The following DNM3 variants were observed in gnomAD, a reference collection of about 807,000 sequenced individuals.
DNM3 encodes dynamin 3, also known as dynamin-3.
In DNM3, 47 loss-of-function variants were observed where a neutral mutation model predicts 101.6. The ratio of observed to expected loss-of-function variants is 0.46; its 90% confidence interval spans 0.37 to 0.59. DNM3 has a LOEUF of 0.59. Among genes scored for constraint, DNM3 ranks in the 20% least tolerant of loss-of-function variants. The probability of loss-of-function intolerance (pLI) is 0.00; values close to 1 mark genes in which losing one functional copy is unlikely to be tolerated. For synonymous variants in DNM3, 385 were observed against 387.9 expected (o/e 0.99, Z 0.09); for missense variants, 849 against 1,085.7 (o/e 0.78, Z 3.06).
intron 14 of DNM3, chr1:172,144,818 AT>A: frequency 3.0e-6 from 1 of 329,340 alleles, no homozygotes. Context: ...CTGGCAATGA[AT>A]TTAGGACCAG....
rs1308092330 is a variant in DNM3, at chr1:172,410,474, G to A, written c.*2633G>A. 12 of 982,016 alleles carry A rather than the reference G, an allele frequency of 1.2e-5. No individual in the cohort carries two copies. The highest frequency in any genetic ancestry group is 5.3e-5 in the African/African-American group (3 of 57,132). The allele number at this position is 982,016 out of a possible 1,614,324, so 60.8% of individuals were successfully genotyped here. A position where few individuals can be genotyped will look rare whatever the true frequency, so the allele number is the denominator to read the frequency against. The stretch of plus-strand genomic sequence containing the variant: ...TTTTTAGGATTTGGGAAAATAAACT[G>A]TAAATGTTTATTTGATAGGTAAATA... On this transcript the variant is annotated 3_prime_UTR_variant, in exon 21 of 21. Coordinates refer to ENST00000627582, the MANE Select transcript of DNM3 (RefSeq NM_015569.5).
intron 1 of DNM3, among the ~76,000 whole-genome samples, chr1:171,845,409 C>G (rs1287941535): frequency 6.6e-6 from 1 of 152,092 alleles, no homozygotes; most frequent in African/African-American, 2.4e-5. Flanking sequence ...AATAATTAGC[C>G]AGGTATGGTG....
At chr1:171,863,954 C>G (rs2421947) in intron 1 of DNM3, among the ~76,000 whole-genome samples, 88,807 of 152,076 alleles carry the variant, frequency 0.58, 26,155 homozygotes, top group East Asian at 0.8. Context: ...AAGAATTATC[C>G]AGAGTCTGGG....
At chr1:172,380,587 A>G (rs2149060469) in intron 18 of DNM3, among the ~76,000 whole-genome samples, 1 of 152,210 alleles carries the variant, frequency 6.6e-6, no homozygotes, top group Non-Finnish European at 1.5e-5. Flanking sequence ...TGTAACCTAA[A>G]GCAAATCATT....
In DNM3 at chr1:172,278,938, A is replaced by T. The variant is rs147662542; in HGVS notation, c.1769+25256A>T. Among the ~76,000 whole-genome samples the T allele has an allele frequency of 2.3e-3, 349 of 152,226 alleles. 1 individual carries two copies. The highest frequency in any genetic ancestry group is 8.0e-3 in the African/African-American group (331 of 41,534). On this transcript the variant is annotated intron_variant, in intron 15 of 20. Transcript: ENST00000627582. ...AGTCTCCCCATGCTTAACCCAGAGG[A>T]GTTAGGCCAGTTTTCTGTTGCTGAA...
intron 17 of DNM3, among the ~76,000 whole-genome samples, chr1:172,369,273 A>G (rs1220970096): frequency 2.0e-5 from 3 of 151,978 alleles, no homozygotes; most frequent in Non-Finnish European, 4.4e-5. Flanking sequence ...AAGATTATAC[A>G]CCATAATCAA....
chr1:172,098,491 A>C (rs2054404268), intron 13 of DNM3, among the ~76,000 whole-genome samples: 1 of 152,184 alleles, frequency 6.6e-6, no homozygotes, highest in African/African-American at 2.4e-5. Context: ...ATGCTCTACA[A>C]ACAATTTGTG....
At chr1:171,971,852 T>G (rs2044017067) in intron 2 of DNM3, among the ~76,000 whole-genome samples, 1 of 152,036 alleles carries the variant, frequency 6.6e-6, no homozygotes, top group Non-Finnish European at 1.5e-5. Context: ...CTCTTGAGAG[T>G]CTTATCCTGA....
rs970728078 is a variant in DNM3, at chr1:172,170,568, A to C, written c.1659+39280A>C. 2.0e-5 allele frequency among the ~76,000 whole-genome samples: 3 copies of C among 151,912 alleles called. No individual in the cohort carries two copies. The Admixed American group carries it at 2.0e-4, about 10-fold the overall frequency. On this transcript the variant is annotated intron_variant, in intron 14 of 20. Transcript: ENST00000627582. ...GTATGGGGAAATGAAATATAGTAAGAACTTCAGTGTTAATTGCTGTTGTCA... is the reference window on the plus strand; with the variant it reads ...GTATGGGGAAATGAAATATAGTAAGCACTTCAGTGTTAATTGCTGTTGTCA...
At chr1:171,846,931 A>G (rs1558157173) in intron 1 of DNM3, among the ~76,000 whole-genome samples, 1 of 152,200 alleles carries the variant, frequency 6.6e-6, no homozygotes, top group Non-Finnish European at 1.5e-5. Context: ...ACCTGTTTCC[A>G]TATCCCCATG....
intron 15 of DNM3, among the ~76,000 whole-genome samples, chr1:172,268,149 T>C (rs1553215110): frequency 6.6e-6 from 1 of 152,196 alleles, no homozygotes; most frequent in Non-Finnish European, 1.5e-5. Flanking sequence ...TGAGGACTCT[T>C]ACAGTTATTG....
Position 172,411,399 on chromosome 1 carries a change from A to G in DNM3, c.*3558A>G, listed in dbSNP as rs1217292356. The G allele has an allele frequency of 7.1e-6, 7 of 984,942 alleles. No homozygotes were observed. In the African/African-American group the frequency reaches 1.2e-4, roughly 17 times the overall value. 61.0% of individuals were successfully genotyped at this position (984,942 alleles called of 1,614,324 possible). On this transcript the variant is annotated 3_prime_UTR_variant, in exon 21 of 21. Coordinates refer to ENST00000627582, the MANE Select transcript of DNM3 (RefSeq NM_015569.5). ...CTAAGAAGGAATTACCTTTGACAATATTTTTCGGTAAGAAGTAAAACCTCT... is the reference window on the plus strand; with the variant it reads ...CTAAGAAGGAATTACCTTTGACAATGTTTTTCGGTAAGAAGTAAAACCTCT...
chr1:172,020,242 C>CA (rs765938522), intron 4 of DNM3, among the ~76,000 whole-genome samples: 2 of 152,114 alleles, frequency 1.3e-5, no homozygotes, highest in South Asian at 4.1e-4. Flanking sequence ...GTTCCTGCCC[C>CA]ACCCCTTTAG....
intron 20 of DNM3, among the ~76,000 whole-genome samples, chr1:172,394,595 C>G (rs79093075): frequency 0.06 from 9,185 of 152,262 alleles, 357 homozygotes; most frequent in East Asian, 0.12. Context: ...GCAAATAGCT[C>G]TGTCATTGTT....
chr1:171,864,268 A>G (rs1485161106), intron 1 of DNM3: 16 of 152,362 alleles, frequency 1.1e-4, no homozygotes, highest in Admixed American at 7.8e-4. Context: ...ACAAAAACCT[A>G]TAACTGAAGC....
At chr1:172,004,875 A>C (rs767985142) in intron 4 of DNM3, among the ~76,000 whole-genome samples, 5 of 152,066 alleles carry the variant, frequency 3.3e-5, no homozygotes, top group Admixed American at 6.6e-5. Flanking sequence ...TCCAGATGGC[A>C]CAGTGAAAAG....
intron 12 of DNM3, among the ~76,000 whole-genome samples, chr1:172,088,432 A>C (rs1359850272): frequency 6.6e-6 from 1 of 152,054 alleles, no homozygotes; most frequent in East Asian, 1.9e-4. Context: ...GTACTAAAAC[A>C]TTGCCTTGAT....
At chr1:172,246,732 G>A (rs911424840) in intron 14 of DNM3, among the ~76,000 whole-genome samples, 1 of 152,092 alleles carries the variant, frequency 6.6e-6, no homozygotes, top group Non-Finnish European at 1.5e-5. Flanking sequence ...CAGAAAATGA[G>A]GTGTGGGTGA....
chr1:172,406,456 A>C (rs997044732), intron 20 of DNM3, among the ~76,000 whole-genome samples: 9 of 152,000 alleles, frequency 5.9e-5, no homozygotes, highest in African/African-American at 2.2e-4. Context: ...ACCATGGCTC[A>C]CACCTGTAAT....
Sources: allele counts gnomAD v4.1 joint callset (sites outside exome capture counted in the v4.1 genomes callset), GRCh38; gene constraint gnomAD v4.1.1; transcripts MANE v1.5; gene names NCBI Gene and HGNC (gene_info 2026-07-23, HGNC 2026-07-21).